TLE3: variants seen among roughly 807,000 people sequenced by gnomAD.
TLE3 encodes TLE family member 3, transcriptional corepressor.
Under a neutral mutation model 93.0 loss-of-function variants are expected in TLE3, and 14 were observed. That is an observed-to-expected ratio of 0.15 (90% confidence interval 0.10 to 0.24). TLE3 has a LOEUF of 0.24. Ranked by LOEUF, TLE3 falls within the 10% of genes least tolerant of loss-of-function variation. The pLI is 1.00. For missense variants in TLE3, 693 were observed against 1,046.6 expected (o/e 0.66, Z 4.66); for synonymous variants, 451 against 425.0 (o/e 1.06, Z -0.75).
chr15:70,060,847 G>T, intron 8 of TLE3, 198 bp from the exon 9 acceptor site: 1 of 790,208 alleles, frequency 1.3e-6, no homozygotes, highest in Non-Finnish European at 2.1e-6. Flanking sequence ...TGAGTCCCCG[G>T]GGAGATGCCC....
chr15:70,094,327 C>G (rs546297888), intron 4 of TLE3, among the ~76,000 whole-genome samples: 2 of 151,700 alleles, frequency 1.3e-5, no homozygotes, highest in East Asian at 1.9e-4. Flanking sequence ...TTCACAAGCT[C>G]AAATGCTAAA....
chr15:70,052,125 T>C (rs758904391), intron 18 of TLE3, among the ~76,000 whole-genome samples: 2 of 152,196 alleles, frequency 1.3e-5, no homozygotes, highest in Non-Finnish European at 2.9e-5. Flanking sequence ...GCCCCAAGCC[T>C]GCAAGAACTG....
chr15:70,057,646 C>T lies in TLE3; in HGVS notation c.1064G>A (p.Arg355His), dbSNP rs763486257. The change falls in exon 13 of 20, where the codon CGC becomes CAC. Residue 355 changes from arginine (R) to histidine (H), a missense_variant. Arg to His is a conservative substitution (Grantham distance 29, BLOSUM62 0). This residue lies in a region of TLE3 where 405 missense variants were observed against 468.9 expected (regional missense o/e 0.86). Coordinates refer to ENST00000451782, the MANE Select transcript of TLE3 (RefSeq NM_001105192.3). ...PGMDPIASAL[R>H]TPISITSSYA... ...GGAGCTGGTGATGGAGATGGGCGTGCGCAGAGCCGAGGCTGCGAGGGGTGG... is the reference window on the plus strand; with the variant it reads ...GGAGCTGGTGATGGAGATGGGCGTGTGCAGAGCCGAGGCTGCGAGGGGTGG... 5 of 1,575,518 alleles carry T rather than the reference C, an allele frequency of 3.2e-6. No individual in the cohort carries two copies. The highest frequency in any genetic ancestry group is 1.8e-5 in the Admixed American group (1 of 54,946).
At chr15:70,056,408 C>T (rs765923714) in intron 13 of TLE3, 34 bp from the exon 14 acceptor site, 23 of 1,594,126 alleles carry the variant, frequency 1.4e-5, no homozygotes, top group Non-Finnish European at 1.7e-5. Context: ...CTCCATCAGC[C>T]GTGCTGCCAC....
At chr15:70,072,206 G>T (rs1457901376) in intron 6 of TLE3, among the ~76,000 whole-genome samples, 1 of 152,170 alleles carries the variant, frequency 6.6e-6, no homozygotes, top group African/African-American at 2.4e-5. Flanking sequence ...GACCTAACTT[G>T]TAGCTTCCTG....
rs1045731018 is a variant in TLE3, at chr15:70,097,532, C to T, written c.-734G>A. The T allele has an allele frequency of 5.0e-6, 2 of 400,480 alleles. No homozygotes were observed. The highest frequency in any genetic ancestry group is 4.1e-5 in the African/African-American group (2 of 48,638). 24.8% of individuals were successfully genotyped at this position (400,480 alleles called of 1,614,324 possible). A position where few individuals can be genotyped will look rare whatever the true frequency, so the allele number is the denominator to read the frequency against. On this transcript the variant is annotated 5_prime_UTR_variant, in exon 1 of 20. Coordinates refer to ENST00000451782, the MANE Select transcript of TLE3 (RefSeq NM_001105192.3). ...GGGCTCAGTAGGTGCAAATCAAACG[C>T]CCTGGCATCCTAAGTCCAGCGGGCA...
At position 70,052,340 on chromosome 15, in the gene TLE3, C is replaced by G. The variant is rs150516672; in HGVS notation, c.2125+34G>C. The G allele has an allele frequency of 4.3e-5, 69 of 1,602,940 alleles. 1 individual carries two copies. The Middle Eastern group carries it at 1.0e-3, about 24-fold the overall frequency. On this transcript the variant is annotated intron_variant, in intron 18 of 19. Transcript: ENST00000451782. ...CCAGGCTGCCCTGGGTTCCCCACCC[C>G]ACTCCATCAGGCCTGGGCCCATCCA...
At chr15:70,069,476 A>G (rs2057014156) in intron 6 of TLE3, among the ~76,000 whole-genome samples, 1 of 152,236 alleles carries the variant, frequency 6.6e-6, no homozygotes, top group Non-Finnish European at 1.5e-5. Flanking sequence ...TTTCTGCCTT[A>G]GTGTTGTCAG....
At chr15:70,093,864 G>C (rs539550610) in intron 4 of TLE3, among the ~76,000 whole-genome samples, 2 of 152,124 alleles carry the variant, frequency 1.3e-5, no homozygotes, top group Non-Finnish European at 2.9e-5. Flanking sequence ...CAGCCATCTC[G>C]AAAGTCCTGG....
intron 4 of TLE3, among the ~76,000 whole-genome samples, chr15:70,080,343 G>C (rs551858825): frequency 1.3e-5 from 2 of 152,340 alleles, no homozygotes; most frequent in African/African-American, 4.8e-5. Context: ...AAGGTGTTCA[G>C]GGAGGCTGGT....
chr15:70,061,673 G>A (rs887348452), intron 8 of TLE3, among the ~76,000 whole-genome samples: 4 of 152,144 alleles, frequency 2.6e-5, no homozygotes, highest in African/African-American at 7.2e-5. Context: ...TATTGGTGAG[G>A]TTTACTCCTT....
At chr15:70,086,897 G>C (rs36085856) in intron 4 of TLE3, among the ~76,000 whole-genome samples, 12,217 of 151,794 alleles carry the variant, frequency 0.08, 624 homozygotes, top group Admixed American at 0.14. Context: ...CACTTAAACT[G>C]TCCATAGTGT....
chr15:70,057,931 T>C (rs2056191599), intron 12 of TLE3: 1 of 774,750 alleles, frequency 1.3e-6, no homozygotes, highest in Non-Finnish European at 2.0e-6. Context: ...TGGGAACAGA[T>C]TTTGGGAGCC....
chr15:70,055,573 A>T, intron 14 of TLE3: 5 of 351,612 alleles, frequency 1.4e-5, no homozygotes, highest in East Asian at 4.4e-5. Context: ...GCCCTTTCCC[A>T]CGATCCATAC....
rs2056280565 is a variant in TLE3 at position 70,058,913 on chromosome 15, GA to G, written c.766-99del. The G allele has an allele frequency of 9.2e-6, 13 of 1,416,886 alleles. No homozygotes were observed. Among genetic ancestry groups the G allele is most frequent in the Non-Finnish European group, 1.2e-5 (13 of 1,082,614 alleles). 87.8% of individuals were successfully genotyped at this position (1,416,886 alleles called of 1,614,324 possible). On this transcript the variant is annotated intron_variant, in intron 10 of 19. Coordinates refer to ENST00000451782, the MANE Select transcript of TLE3 (RefSeq NM_001105192.3). This position sits in a 1 kb window ranked among gnomAD's most constrained non-coding sequence, Gnocchi z 4.1. ...GGAAGAGAGAGGGCATGGGCGATGG[GA>G]AGACGAGCTTGGCTGAAAGACTGGG...
At chr15:70,070,244 G>T (rs2057071418) in intron 6 of TLE3, among the ~76,000 whole-genome samples, 1 of 152,250 alleles carries the variant, frequency 6.6e-6, no homozygotes, top group African/African-American at 2.4e-5. Context: ...CAAGTGATAA[G>T]CACCCATGGC....
chr15:70,055,402 C>A, intron 14 of TLE3, 104 bp from the exon 15 acceptor site: 2 of 1,463,078 alleles, frequency 1.4e-6, no homozygotes, highest in Non-Finnish European at 1.8e-6. Context: ...GGCTGCCCTG[C>A]CTCTAGCCCC....
chr15:70,079,407 A>C, intron 4 of TLE3: 1 of 451,496 alleles, frequency 2.2e-6, no homozygotes. Context: ...CGTTGGGAGA[A>C]CCTCCTGGTT....
chr15:70,068,441 G>A (rs1246741829), intron 6 of TLE3, among the ~76,000 whole-genome samples: 1 of 152,210 alleles, frequency 6.6e-6, no homozygotes, highest in Non-Finnish European at 1.5e-5. Flanking sequence ...TGAGTCTCCA[G>A]TAGGGCCCCT....
Sources: gnomAD v4.1 joint callset for allele counts (sites outside exome capture counted in the v4.1 genomes callset) on GRCh38, gnomAD v4.1.1 for gene constraint, gnomAD v4.1.1 regional missense constraint, Gnocchi (gnomAD v3.1) non-coding constraint, MANE v1.5 for transcripts, NCBI Gene and HGNC (gene_info 2026-07-23, HGNC 2026-07-21) for gene names.